Variants in SIK2 observed in about 807,000 individuals in gnomAD.
SIK2 encodes the protein serine/threonine-protein kinase SIK2.
Under a neutral mutation model 103.2 loss-of-function variants are expected in SIK2, and 29 were observed. That is an observed-to-expected ratio of 0.28 (90% CI 0.21 to 0.38). The LOEUF is 0.38. SIK2 is among the 10% of genes least tolerant of loss of function. SIK2 has a pLI of 1.00. For missense variants in SIK2, 879 were observed against 1,171.0 expected, an observed-to-expected ratio of 0.75 and a Z score of 3.64; for synonymous variants, 412 against 446.1, an observed-to-expected ratio of 0.92 and a Z score of 0.96.
In SIK2 at chr11:111,705,196, T is replaced by TA; in HGVS notation, c.1101+58dup. The TA allele has an allele frequency of 6.9e-7, 1 of 1,456,736 alleles. No homozygotes were observed. Among genetic ancestry groups the TA allele is most frequent in the Non-Finnish European group, 9.0e-7 (1 of 1,108,492 alleles). 90.2% of individuals were successfully genotyped at this position (1,456,736 alleles called of 1,614,324 possible). On this transcript the variant is annotated intron_variant, in intron 8 of 14. Transcript: ENST00000304987. The surrounding 1 kb of genome is among the most constrained non-coding windows in gnomAD (Gnocchi z 4.3). ...TGCATGTGCCTGTTCACATGTTTGATACATTTTTCATCTTATACACAGGGT... is the reference window on the plus strand; with the variant it reads ...TGCATGTGCCTGTTCACATGTTTGATAACATTTTTCATCTTATACACAGGGT...
At chr11:111,671,029 C>A in intron 3 of SIK2, 1 of 161,376 alleles carries the variant, frequency 6.2e-6, no homozygotes, top group East Asian at 1.9e-4. Flanking sequence ...AATCAGGTCC[C>A]TGGAGGAGCT....
At chr11:111,640,538 C>T (rs1317499982) in intron 3 of SIK2, among the ~76,000 whole-genome samples, 2 of 151,888 alleles carry the variant, frequency 1.3e-5, no homozygotes, top group Non-Finnish European at 2.9e-5. Context: ...TTCTTTATCC[C>T]ATTATGAACC....
intron 9 of SIK2, among the ~76,000 whole-genome samples, chr11:111,713,538 CCTGT>C (rs1374201151): frequency 6.6e-6 from 1 of 152,126 alleles, no homozygotes; most frequent in African/African-American, 2.4e-5. Context: ...ATAATGGTTT[CCTGT>C]CTTTTTAGCC....
At chr11:111,638,865 G>T (rs114106814) in intron 3 of SIK2, among the ~76,000 whole-genome samples, 3,704 of 151,434 alleles carry the variant, frequency 0.024, 92 homozygotes, top group African/African-American at 0.062. Context: ...TTAATTTTTT[G>T]TTGTTGTTGT....
chr11:111,675,210 C>A (rs1192700211), intron 3 of SIK2, among the ~76,000 whole-genome samples: 1 of 152,216 alleles, frequency 6.6e-6, no homozygotes, highest in Non-Finnish European at 1.5e-5. Flanking sequence ...ATGCTTTTCT[C>A]ATGGTAGATG....
At chr11:111,622,500 C>T (rs1455887751) in intron 3 of SIK2, among the ~76,000 whole-genome samples, 3 of 151,926 alleles carry the variant, frequency 2.0e-5, no homozygotes, top group Non-Finnish European at 2.9e-5. Context: ...GTGATCCGCC[C>T]GCCTCAGCCT....
chr11:111,676,765 AT>A (rs1234333057), intron 3 of SIK2, among the ~76,000 whole-genome samples: 1 of 152,236 alleles, frequency 6.6e-6, no homozygotes, highest in Non-Finnish European at 1.5e-5. Flanking sequence ...CAAGTTTGAC[AT>A]TTGAATCCTA....
rs949890656 is a variant in SIK2, at chr11:111,726,899, C to T, written c.*2770C>T. The T allele has an allele frequency of 1.0e-5, 15 of 1,496,308 alleles. No individual in the cohort carries two copies. The highest frequency in any genetic ancestry group is 5.5e-5 in the African/African-American group (4 of 72,524). 92.7% of individuals were successfully genotyped at this position (1,496,308 alleles called of 1,614,324 possible). On this transcript the variant is annotated 3_prime_UTR_variant, in exon 15 of 15. Coordinates refer to ENST00000304987, the MANE Select transcript of SIK2 (RefSeq NM_015191.3). ...TGAGATGAACGTGAGGTAAAAATTTCGTTCGGCAAAAAGTGCAATATGTGT... is the reference window on the plus strand; with the variant it reads ...TGAGATGAACGTGAGGTAAAAATTTTGTTCGGCAAAAAGTGCAATATGTGT...
chr11:111,721,732 G>A (rs1292594721), intron 12 of SIK2, 98 bp from the exon 13 acceptor site: 2 of 800,110 alleles, frequency 2.5e-6, no homozygotes, highest in African/African-American at 1.7e-5. Flanking sequence ...CAGTGGAGTT[G>A]GTATTCCTAT....
chr11:111,623,906 G>C (rs917936781), intron 3 of SIK2, among the ~76,000 whole-genome samples: 3 of 152,196 alleles, frequency 2.0e-5, no homozygotes, highest in Admixed American at 1.3e-4. Context: ...CCACACCTGG[G>C]TTTCCCCTCC....
At chr11:111,657,754 G>GT (rs1205983547) in intron 3 of SIK2, among the ~76,000 whole-genome samples, 3 of 152,260 alleles carry the variant, frequency 2.0e-5, no homozygotes, top group African/African-American at 7.2e-5. Context: ...GAGGTGGGGA[G>GT]TAAGTGTCAG....
At position 111,712,302 on chromosome 11, in the gene SIK2, C is replaced by A. The variant is rs151173495; in HGVS notation, c.1193C>A (p.Ala398Asp). Residue 398 changes from alanine (A) to aspartate (D), a missense_variant, in exon 9 of 15, where the codon GCC becomes GAC. Around this residue, in one of 7 missense-constraint regions of SIK2, gnomAD observed 222 missense variants for 258.0 expected, o/e 0.86. Transcript: ENST00000304987. ...CTCCCCCAGGCATCCAACGTGGAGGCCTTTTCATTTCCAGCATCTGGCTGT... is the reference window on the plus strand; with the variant it reads ...CTCCCCCAGGCATCCAACGTGGAGGACTTTTCATTTCCAGCATCTGGCTGT... ...ALLPQASNVE[A>D]FSFPASGCQA... The A allele has an allele frequency of 3.1e-6, 5 of 1,614,200 alleles. No homozygotes were observed. Among genetic ancestry groups the A allele is most frequent in the Non-Finnish European group, 4.2e-6 (5 of 1,180,028 alleles).
At chr11:111,662,475 G>A (rs567329420) in intron 3 of SIK2, among the ~76,000 whole-genome samples, 3 of 151,928 alleles carry the variant, frequency 2.0e-5, no homozygotes, top group East Asian at 3.9e-4. Context: ...GGGGCCAGGT[G>A]CGGTGGCTCA....
rs1942875209 is a variant in SIK2 at position 111,688,381 on chromosome 11, T to TG, written c.478+220dup. 6.6e-6 allele frequency among the ~76,000 whole-genome samples: 1 copy of TG among 152,226 alleles called. No homozygotes were observed. Among genetic ancestry groups the TG allele is most frequent in the South Asian group, 2.1e-4 (1 of 4,828 alleles). On this transcript the variant is annotated intron_variant, in intron 4 of 14. Coordinates refer to ENST00000304987, the MANE Select transcript of SIK2 (RefSeq NM_015191.3). The surrounding 1 kb of genome is among the most constrained non-coding windows in gnomAD (Gnocchi z 4.2). ...ACAGGTCAGAGCTACATCTGGGGTC[T>TG]GATGTGTCCAGATTCCATTGGCAGG...
At chr11:111,643,414 C>T (rs893875775) in intron 3 of SIK2, among the ~76,000 whole-genome samples, 2 of 151,746 alleles carry the variant, frequency 1.3e-5, no homozygotes, top group African/African-American at 2.4e-5. Flanking sequence ...CCATGGCACA[C>T]GTATACCTAT....
intron 3 of SIK2, among the ~76,000 whole-genome samples, chr11:111,681,979 C>G (rs1565351684): frequency 1.3e-5 from 2 of 152,128 alleles, no homozygotes; most frequent in African/African-American, 4.8e-5. Context: ...AAGGGTAAGT[C>G]CCAGTAAGCC....
chr11:111,613,983 AAG>A (rs1229605951), intron 1 of SIK2, among the ~76,000 whole-genome samples: 1 of 152,044 alleles, frequency 6.6e-6, no homozygotes, highest in African/African-American at 2.4e-5. Context: ...GCCATAAAGA[AAG>A]AAGAAAAACA....
rs146568063 is a variant in SIK2, at chr11:111,702,860, A to T, written c.728-343A>T. ...ATATCAGCATTAGATATGACTGAGG[A>T]TCGATTTATTATTTGCTTGTTCTAG... On this transcript the variant is annotated intron_variant, in intron 6 of 14. Transcript: ENST00000304987. 4.9e-3 allele frequency among the ~76,000 whole-genome samples: 751 copies of T among 152,240 alleles called. 9 individuals carry two copies. Among genetic ancestry groups the T allele is most frequent in the African/African-American group, 0.017 (699 of 41,528 alleles).
At chr11:111,676,675 G>T (rs1332424659) in intron 3 of SIK2, among the ~76,000 whole-genome samples, 2 of 152,112 alleles carry the variant, frequency 1.3e-5, no homozygotes, top group Non-Finnish European at 2.9e-5. Context: ...TAAAAATGTA[G>T]ATACCTTTAG....
Sources: allele counts gnomAD v4.1 joint callset (sites outside exome capture counted in the v4.1 genomes callset), GRCh38; gene constraint gnomAD v4.1.1; regional missense constraint gnomAD v4.1.1; non-coding constraint Gnocchi (gnomAD v3.1); transcripts MANE v1.5; gene names NCBI Gene and HGNC (gene_info 2026-07-23, HGNC 2026-07-21).